PSD3: variants seen among roughly 807,000 people sequenced by gnomAD.
The protein encoded by PSD3 is pleckstrin and Sec7 domain containing 3.
In PSD3, 49 loss-of-function variants were observed where a neutral mutation model predicts 105.5. The observed-to-expected ratio is 0.46, with a 90% CI of 0.37 to 0.59. The LOEUF is 0.59. Among genes scored for constraint, PSD3 ranks in the 20% least tolerant of loss-of-function variants. The pLI is 0.00. For synonymous variants in PSD3, 557 were observed against 457.8 expected, an observed-to-expected ratio of 1.22 and a Z score of -2.77; for missense variants, 1,561 against 1,263.8, an observed-to-expected ratio of 1.24 and a Z score of -3.57.
chr8:18,692,476 G>A (rs1017119254), intron 9 of PSD3, among the ~76,000 whole-genome samples: 1 of 152,104 alleles, frequency 6.6e-6, no homozygotes, highest in Non-Finnish European at 1.5e-5. Context: ...GAGAAAAGAG[G>A]GAACAGCAGT....
intron 1 of PSD3, among the ~76,000 whole-genome samples, chr8:18,943,576 G>A (rs2129469554): frequency 6.6e-6 from 1 of 152,238 alleles, no homozygotes; most frequent in South Asian, 2.1e-4. Flanking sequence ...AGGGAGCCTG[G>A]TAAACTCTTG....
chr8:18,839,383 G>A (rs1401840336), intron 4 of PSD3, among the ~76,000 whole-genome samples: 1 of 152,078 alleles, frequency 6.6e-6, no homozygotes, highest in African/African-American at 2.4e-5. Context: ...AAAAACAGTG[G>A]GGCCAAGTTT....
rs373509962 is a variant in PSD3 at position 18,756,162 on chromosome 8, C to T, written c.2172+9287G>A. Among the ~76,000 whole-genome samples, 29 of 152,260 alleles carry T rather than the reference C, an allele frequency of 1.9e-4. No homozygotes were observed. In the East Asian group the frequency reaches 3.5e-3, roughly 18 times the overall value. On this transcript the variant is annotated intron_variant, in intron 9 of 15. Coordinates refer to ENST00000327040, the MANE Select transcript of PSD3 (RefSeq NM_015310.4). ...ATGGATACTGTTGCTACCAGGTTTC[C>T]ATGACCTTCTCTTGGAAAGAACTCA... is the stretch of plus-strand genomic sequence containing the variant.
chr8:18,600,309 C>G, intron 12 of PSD3, 55 bp downstream of exon 12: 1 of 1,443,002 alleles, frequency 6.9e-7, no homozygotes, highest in Non-Finnish European at 9.7e-7. Flanking sequence ...ATATACTGGA[C>G]CTCATGTAAT....
At chr8:18,747,815 A>G (rs975609348) in intron 9 of PSD3, among the ~76,000 whole-genome samples, 5 of 148,240 alleles carry the variant, frequency 3.4e-5, no homozygotes, top group Non-Finnish European at 6.0e-5. Context: ...CAAAGTGAGT[A>G]AAAAAAAAAG....
At position 18,874,716 on chromosome 8, in the gene PSD3, A is replaced by AAAAAAC. The variant is rs1445074722; in HGVS notation, c.131-1984_131-1983insGTTTTT. Among the ~76,000 whole-genome samples, 250 of 151,270 alleles carry AAAAAAC rather than the reference A, an allele frequency of 1.7e-3. 1 individual carries two copies. Among genetic ancestry groups the AAAAAAC allele is most frequent in the African/African-American group, 6.0e-3 (247 of 41,144 alleles). On this transcript the variant is annotated intron_variant, in intron 2 of 15. Coordinates refer to ENST00000327040, the MANE Select transcript of PSD3 (RefSeq NM_015310.4). ...AGACTCCATCTCAAAAAAAAAAAAAAAAAAAAAAATTTGATTTCCAAGGTA... is the reference window on the plus strand; with the variant it reads ...AGACTCCATCTCAAAAAAAAAAAAAAAAAAACAAAAAAAAATTTGATTTCCAAGGTA...
intron 11 of PSD3, among the ~76,000 whole-genome samples, chr8:18,616,623 C>CCTTTTTTTTTTTTT: frequency 1.0e-5 from 1 of 98,554 alleles, no homozygotes; most frequent in African/African-American, 3.7e-5. Flanking sequence ...CCTCTCTTTT[C>CCTTTTTTTTTTTTT]TTTTCTTTTT....
intron 10 of PSD3, among the ~76,000 whole-genome samples, chr8:18,637,135 T>A (rs1807310635): frequency 6.6e-6 from 1 of 152,242 alleles, no homozygotes. Context: ...ATTGCTAGCC[T>A]ACACCCATGT....
At chr8:18,777,239 C>T (rs1189440277) in intron 8 of PSD3, among the ~76,000 whole-genome samples, 2 of 152,210 alleles carry the variant, frequency 1.3e-5, no homozygotes, top group African/African-American at 2.4e-5. Flanking sequence ...GACAGGGTTT[C>T]ACCATGTTGG....
intron 9 of PSD3, among the ~76,000 whole-genome samples, chr8:18,755,894 T>C (rs1376790039): frequency 6.6e-6 from 1 of 152,118 alleles, no homozygotes. Flanking sequence ...CTGCCCATGA[T>C]GAGCACGTGA....
chr8:18,605,512 T>C (rs1208298449), intron 11 of PSD3, among the ~76,000 whole-genome samples: 2 of 152,200 alleles, frequency 1.3e-5, no homozygotes, highest in African/African-American at 2.4e-5. Context: ...TTGTCTCAGA[T>C]GACACTTCAG....
chr8:18,966,567 T>C (rs1288624549), intron 1 of PSD3, among the ~76,000 whole-genome samples: 2 of 67,908 alleles, frequency 2.9e-5, no homozygotes, highest in African/African-American at 8.8e-5. Flanking sequence ...AGAGACTGTC[T>C]TAAAAAAAAA....
chr8:18,774,277 A>C lies in PSD3; in HGVS notation c.2083-8739T>G, dbSNP rs370893171. On this transcript the variant is annotated intron_variant, in intron 8 of 15. Transcript: ENST00000327040. ...TAATAGCTACATATATTTTTAGAGTACATGTGATATCTTGATATATGTATA... is the reference window on the plus strand; with the variant it reads ...TAATAGCTACATATATTTTTAGAGTCCATGTGATATCTTGATATATGTATA... Among the ~76,000 whole-genome samples, 7 of 152,332 alleles carry C rather than the reference A, an allele frequency of 4.6e-5. No individual in the cohort carries two copies. In the East Asian group the frequency reaches 1.3e-3, roughly 29 times the overall value.
intron 1 of PSD3, among the ~76,000 whole-genome samples, chr8:19,006,357 C>T (rs1013859692): frequency 6.0e-4 from 90 of 150,142 alleles, no homozygotes; most frequent in Non-Finnish European, 9.0e-4. Context: ...CACACTCACA[C>T]ATACTATGTT....
Position 18,575,156 on chromosome 8 carries a change from C to T in PSD3, c.2611G>A (p.Asp871Asn), listed in dbSNP as rs201438924. The change falls in exon 13 of 16, where the codon GAC (aspartate) becomes AAC (asparagine). Residue 871 changes from aspartate to asparagine, a missense_variant. Asp to Asn is a conservative substitution (Grantham distance 23). Coordinates refer to ENST00000327040, the MANE Select transcript of PSD3 (RefSeq NM_015310.4). ...KPNVFKLKTA[D>N]WRVLLFQTQS... is the part of the protein sequence containing the mutation. The stretch of plus-strand genomic sequence containing the variant: ...GTTTGAAAAAGCAAGACCCTCCAGT[C>T]GGCAGTTTTAAGTTTAAACACGTTT... The T allele has an allele frequency of 8.7e-6, 14 of 1,613,312 alleles. No individual in the cohort carries two copies. Among genetic ancestry groups the T allele is most frequent in the South Asian group, 2.2e-5 (2 of 90,918 alleles).
chr8:18,867,194 C>T (rs939224683), intron 4 of PSD3, among the ~76,000 whole-genome samples: 1 of 152,178 alleles, frequency 6.6e-6, no homozygotes, highest in Non-Finnish European at 1.5e-5. Flanking sequence ...AACAGGAAGA[C>T]AGAACAGGAA....
At chr8:19,067,156 C>A (rs533713480) in intron 1 of PSD3, among the ~76,000 whole-genome samples, 3 of 152,242 alleles carry the variant, frequency 2.0e-5, no homozygotes, top group African/African-American at 7.2e-5. Flanking sequence ...GAACTGTAAA[C>A]TGAGAGAAAT....
intron 1 of PSD3, among the ~76,000 whole-genome samples, chr8:18,985,945 T>TCCTA (rs1194430344): frequency 1.3e-5 from 2 of 152,042 alleles, no homozygotes; most frequent in Admixed American, 6.6e-5. Flanking sequence ...GCTGTCAATA[T>TCCTA]CCTACCTCAC....
rs190774363 is a variant in PSD3 at position 18,544,496 on chromosome 8, A to C, written c.2929-8538T>G. 1.4e-3 allele frequency among the ~76,000 whole-genome samples: 215 copies of C among 152,012 alleles called. 1 individual carries two copies. The highest frequency in any genetic ancestry group is 5.1e-3 in the African/African-American group (210 of 41,436). On this transcript the variant is annotated intron_variant, in intron 15 of 15. Coordinates refer to ENST00000327040, the MANE Select transcript of PSD3 (RefSeq NM_015310.4). ...AGAGTACAGTAGTAACCTACTGCCT[A>C]AATATAGCAAATAACCACACATTTT...
Sources: allele counts gnomAD v4.1 joint callset (sites outside exome capture counted in the v4.1 genomes callset), GRCh38; gene constraint gnomAD v4.1.1; transcripts MANE v1.5; gene names NCBI Gene and HGNC (gene_info 2026-07-23, HGNC 2026-07-21).